GPR107: variants seen among roughly 807,000 people sequenced by gnomAD.
GPR107 encodes G protein-coupled receptor 107.
GPR107 carries 31 observed loss-of-function variants against 75.5 expected under a neutral mutation model. The ratio of observed to expected loss-of-function variants is 0.41; its 90% confidence interval spans 0.31 to 0.55. The LOEUF (loss-of-function observed/expected upper bound fraction) is 0.55, where lower values mean the gene tolerates loss of function less well. Ranked by LOEUF, GPR107 falls within the 20% of genes least tolerant of loss-of-function variation. The probability of loss-of-function intolerance (pLI) is 0.26; values close to 1 mark genes in which losing one functional copy is unlikely to be tolerated. For synonymous variants in GPR107, 267 were observed against 251.3 expected, an observed-to-expected ratio of 1.06 and a Z score of -0.59; for missense variants, 572 against 665.7, an observed-to-expected ratio of 0.86 and a Z score of 1.55.
At chr9:130,055,003 A>G (rs1396592606) in intron 1 of GPR107, among the ~76,000 whole-genome samples, 1 of 152,068 alleles carries the variant, frequency 6.6e-6, no homozygotes, top group Non-Finnish European at 1.5e-5. Flanking sequence ...GGATCACTTG[A>G]GCCTAGGAGG....
rs146681944 is a variant in GPR107 at position 130,128,654 on chromosome 9, G to A, written c.1455G>A (p.Thr485=). 4.0e-5 allele frequency: 64 copies of A among 1,611,192 alleles called. No individual in the cohort carries two copies. Among genetic ancestry groups the A allele is most frequent in the Admixed American group, 5.0e-5 (3 of 59,996 alleles). Residue 485 remains threonine, a synonymous_variant, in exon 17 of 18, where the codon ACG becomes ACA. Transcript: ENST00000347136. ...TAAACTTGCAGCTCCTGGATGAAAC[G>A]GCCACACTGGTCTTCTTTGTTCTAA... ...WKWLYQLLDE[T]ATLVFFVLTG...
At chr9:130,106,374 G>A (rs1290980978) in intron 13 of GPR107, among the ~76,000 whole-genome samples, 4 of 151,916 alleles carry the variant, frequency 2.6e-5, no homozygotes, top group Non-Finnish European at 4.4e-5. Context: ...TGAGGTGGGC[G>A]GATCACGAGG....
intron 5 of GPR107, among the ~76,000 whole-genome samples, chr9:130,081,008 G>A (rs1830483581): frequency 6.6e-6 from 1 of 150,796 alleles, no homozygotes; most frequent in Admixed American, 6.6e-5. Context: ...CTAGGAGCTT[G>A]TACCAGCCTG....
intron 14 of GPR107, among the ~76,000 whole-genome samples, chr9:130,111,487 G>A (rs942945532): frequency 5.3e-5 from 8 of 152,204 alleles, no homozygotes; most frequent in Admixed American, 5.2e-4. Flanking sequence ...AGCTGAGATT[G>A]TACCACTGTA....
intron 13 of GPR107, 115 bp downstream of exon 13, chr9:130,104,665 G>C (rs1831119937): frequency 2.3e-6 from 2 of 860,932 alleles, no homozygotes; most frequent in African/African-American, 1.7e-5. Context: ...TAAAAGTACA[G>C]CTTTCTGAGT....
chr9:130,093,667 T>G (rs552969954), intron 9 of GPR107, among the ~76,000 whole-genome samples: 3 of 152,276 alleles, frequency 2.0e-5, no homozygotes, highest in African/African-American at 7.2e-5. Flanking sequence ...GGACTAGATT[T>G]TCAAGCAGCA....
chr9:130,118,649 C>G (rs955981600), intron 14 of GPR107, among the ~76,000 whole-genome samples: 2 of 151,928 alleles, frequency 1.3e-5, no homozygotes, highest in Non-Finnish European at 2.9e-5. Context: ...ACATGACACC[C>G]TCCCCAACCC....
At chr9:130,060,228 A>C (rs1194364048) in intron 1 of GPR107, among the ~76,000 whole-genome samples, 3 of 151,634 alleles carry the variant, frequency 2.0e-5, no homozygotes, top group Non-Finnish European at 4.4e-5. Flanking sequence ...ACGCCCAGCT[A>C]ATTTTTGTAT....
chr9:130,083,707 T>C (rs10819597), intron 6 of GPR107, 105 bp downstream of exon 6: 350,236 of 582,908 alleles, frequency 0.6, 105,846 homozygotes, highest in East Asian at 0.75. Context: ...CATACATGCA[T>C]GCACAGACAC....
chr9:130,108,992 CT>C (rs11316244), intron 14 of GPR107, among the ~76,000 whole-genome samples: 28,544 of 66,300 alleles, frequency 0.43, 3,485 homozygotes, highest in East Asian at 0.6. Context: ...TGGGGATATT[CT>C]TTTTTTTTTT....
At chr9:130,083,817 G>C (rs927089478) in intron 6 of GPR107, among the ~76,000 whole-genome samples, 1 of 151,844 alleles carries the variant, frequency 6.6e-6, no homozygotes, top group Non-Finnish European at 1.5e-5. Flanking sequence ...ATATAAAATG[G>C]CATAGTATTT....
In GPR107 at chr9:130,124,912, T is replaced by C; in HGVS notation, c.1307-3T>C. 7 of 1,545,684 alleles carry C rather than the reference T, an allele frequency of 4.5e-6. No homozygotes were observed. The highest frequency in any genetic ancestry group is 2.4e-5 in the South Asian group (2 of 84,316). The stretch of plus-strand genomic sequence containing the variant: ...TCTTCATTTTGTTCTTTCTTCTCTC[T>C]AGCTGCTATTAACTTAGCAAAGCTG... On this transcript the variant is annotated splice_polypyrimidine_tract_variant and splice_region_variant and intron_variant, in intron 14 of 17. Coordinates refer to ENST00000347136, the MANE Select transcript of GPR107 (RefSeq NM_020960.5).
rs114599602 is a variant in GPR107 at position 130,086,607 on chromosome 9, G to A, written c.621+131G>A. 2.3e-4 allele frequency: 152 copies of A among 659,190 alleles called. No individual in the cohort carries two copies. In the African/African-American group the frequency reaches 2.5e-3, roughly 11 times the overall value. 40.8% of individuals were successfully genotyped at this position (659,190 alleles called of 1,614,324 possible). ...GCCCTGTATCAGTCACTTAAATGCA[G>A]TAGCTCTCCTTATAACAAGCCCACA... On this transcript the variant is annotated intron_variant, in intron 7 of 17. Coordinates refer to ENST00000347136, the MANE Select transcript of GPR107 (RefSeq NM_020960.5).
At chr9:130,086,503 C>T (rs1830618953) in intron 7 of GPR107, 27 bp downstream of exon 7, 1 of 1,301,516 alleles carries the variant, frequency 7.7e-7, no homozygotes, top group African/African-American at 1.5e-5. Flanking sequence ...TGTAAAGCCT[C>T]CTAGAATTTC....
At position 130,103,081 on chromosome 9, in the gene GPR107, G is replaced by A. The variant is rs544750153; in HGVS notation, c.1132-1339G>A. Reference sequence around the variant, plus strand: ...TCTGGGATTATGGGTATGAGCCACCGCACCCAGCCCTACTTTGTCTTTTTA... The same window carrying A: ...TCTGGGATTATGGGTATGAGCCACCACACCCAGCCCTACTTTGTCTTTTTA... On this transcript the variant is annotated intron_variant, in intron 12 of 17. Coordinates refer to ENST00000347136, the MANE Select transcript of GPR107 (RefSeq NM_020960.5). This position sits in a 1 kb window ranked among gnomAD's most constrained non-coding sequence, Gnocchi z 4.3. 3.3e-5 allele frequency among the ~76,000 whole-genome samples: 5 copies of A among 152,152 alleles called. No homozygotes were observed. Among genetic ancestry groups the A allele is most frequent in the Admixed American group, 1.3e-4 (2 of 15,282 alleles).
intron 14 of GPR107, among the ~76,000 whole-genome samples, chr9:130,121,601 C>G (rs1405096607): frequency 6.6e-6 from 1 of 152,258 alleles, no homozygotes; most frequent in Admixed American, 6.5e-5. Flanking sequence ...GTGCAGCTCT[C>G]TCACCTCTGA....
rs139103951 is a variant in GPR107 at position 130,135,116 on chromosome 9, G to C, written c.1654G>C (p.Val552Leu). The change falls in exon 18 of 18, where the codon GTG (valine) becomes CTG (leucine). Residue 552 changes from valine to leucine, a missense_variant. Coordinates refer to ENST00000347136, the MANE Select transcript of GPR107 (RefSeq NM_020960.5). ...VEPQGEWEGAV is the reference protein window; with the variant it reads ...VEPQGEWEGAL ...GCCCCAGGGCGAGTGGGAAGGCGCC[G>C]TGTGACAGAGCCGACCCTGAGGATG... 6.3e-7 allele frequency: 1 copy of C among 1,584,952 alleles called. No individual in the cohort carries two copies. Among genetic ancestry groups the C allele is most frequent in the Non-Finnish European group, 8.6e-7 (1 of 1,157,010 alleles).
At chr9:130,094,987 G>T (rs1564672184) in intron 9 of GPR107, among the ~76,000 whole-genome samples, 2 of 151,202 alleles carry the variant, frequency 1.3e-5, no homozygotes, top group African/African-American at 2.4e-5. Context: ...GGCCTCTGTT[G>T]TTTTTTTTTA....
chr9:130,059,804 T>C (rs1266253441), intron 1 of GPR107, among the ~76,000 whole-genome samples: 1 of 151,310 alleles, frequency 6.6e-6, no homozygotes, highest in African/African-American at 2.4e-5. Flanking sequence ...CATGGTATAA[T>C]CTCGGCTCAC....
Sources: allele counts gnomAD v4.1 joint callset (sites outside exome capture counted in the v4.1 genomes callset), GRCh38; gene constraint gnomAD v4.1.1; non-coding constraint Gnocchi (gnomAD v3.1); transcripts MANE v1.5; gene names NCBI Gene and HGNC (gene_info 2026-07-23, HGNC 2026-07-21).